Variants in CNTRL observed in about 807,000 individuals in gnomAD.
CNTRL encodes 110 kDa centrosomal protein.
In CNTRL, 233 loss-of-function variants were observed where a neutral mutation model predicts 303.7. The ratio of observed to expected loss-of-function variants is 0.77; its 90% confidence interval spans 0.69 to 0.86. CNTRL has a LOEUF of 0.86. Among genes scored for constraint, CNTRL ranks in the 40% least tolerant of loss-of-function variants. The probability of loss-of-function intolerance (pLI) is 0.00; values close to 1 mark genes in which losing one functional copy is unlikely to be tolerated. For missense variants in CNTRL, 2,524 were observed against 2,650.6 expected, an observed-to-expected ratio of 0.95 and a Z score of 1.05; for synonymous variants, 900 against 922.2, an observed-to-expected ratio of 0.98 and a Z score of 0.44.
chr9:121,094,811 G>A, intron 4 of CNTRL, 77 bp from the exon 5 acceptor site: 1 of 1,089,760 alleles, frequency 9.2e-7, no homozygotes, highest in Non-Finnish European at 1.3e-6. Context: ...AACAGACCCT[G>A]ATGCACATAA....
At chr9:121,134,558 G>A (rs1322486164) in intron 14 of CNTRL, among the ~76,000 whole-genome samples, 16 of 152,186 alleles carry the variant, frequency 1.1e-4, no homozygotes, top group Non-Finnish European at 2.1e-4. Context: ...GCCTCCCAAA[G>A]TGCTGGGATT....
intron 14 of CNTRL, among the ~76,000 whole-genome samples, chr9:121,128,948 G>C (rs1372277872): frequency 6.6e-6 from 1 of 152,170 alleles, no homozygotes; most frequent in Non-Finnish European, 1.5e-5. Context: ...GATGGTTGTA[G>C]ATGTGTGGTG....
rs985405821 is a variant in CNTRL, at chr9:121,116,544, A to T, written c.1455+1344A>T. Among the ~76,000 whole-genome samples the T allele has an allele frequency of 3.3e-5, 5 of 152,170 alleles. No homozygotes were observed. In the East Asian group the frequency reaches 9.7e-4, roughly 29 times the overall value. Reference sequence around the variant, plus strand: ...CACCATATTGACCAGGCTGGTCTTGAACTCTTAGGCTCAAGCGATCTGCCC... The same window carrying T: ...CACCATATTGACCAGGCTGGTCTTGTACTCTTAGGCTCAAGCGATCTGCCC... On this transcript the variant is annotated intron_variant, in intron 11 of 43. Coordinates refer to ENST00000373855, the MANE Select transcript of CNTRL (RefSeq NM_007018.6).
intron 12 of CNTRL, among the ~76,000 whole-genome samples, chr9:121,123,304 G>T (rs1417773538): frequency 6.6e-6 from 1 of 152,112 alleles, no homozygotes; most frequent in Non-Finnish European, 1.5e-5. Flanking sequence ...TTTAGGCTGG[G>T]CACGGTGGCT....
At chr9:121,176,663 G>C (rs1186398678) in intron 43 of CNTRL, among the ~76,000 whole-genome samples, 1 of 152,230 alleles carries the variant, frequency 6.6e-6, no homozygotes, top group Admixed American at 6.5e-5. Flanking sequence ...AACGCACAGT[G>C]GGTAGGGGCG....
rs1293176419 is a variant in CNTRL at position 121,115,089 on chromosome 9, A to C, written c.1346-2A>C. On this transcript the variant is annotated splice_acceptor_variant, in intron 10 of 43. Transcript: ENST00000373855. LOFTEE classifies it high-confidence loss of function. ...ATGTGAGCATGGTTTTTAAATTTGC[A>C]GCACAAACTCGACTATCAGAACTGC... 5.1e-6 allele frequency: 8 copies of C among 1,566,930 alleles called. No homozygotes were observed. The highest frequency in any genetic ancestry group is 6.9e-6 in the Non-Finnish European group (8 of 1,154,512).
At chr9:121,168,065 T>C (rs1456372233) in intron 37 of CNTRL, 31 bp from the exon 38 acceptor site, 5 of 1,576,812 alleles carry the variant, frequency 3.2e-6, no homozygotes, top group Admixed American at 1.7e-5. Flanking sequence ...ATTTGTTGTT[T>C]AATGACTAAT....
chr9:121,086,456 A>C (rs1038193427), intron 2 of CNTRL, among the ~76,000 whole-genome samples: 3 of 152,078 alleles, frequency 2.0e-5, no homozygotes, highest in Admixed American at 2.0e-4. Flanking sequence ...CTACAAATTA[A>C]CATGGTAAAA....
intron 9 of CNTRL, 39 bp downstream of exon 9, chr9:121,112,617 C>T (rs557258085): frequency 1.9e-6 from 3 of 1,600,704 alleles, no homozygotes; most frequent in East Asian, 4.5e-5. Context: ...AAAGTTAAAG[C>T]CCACATGGGA....
Position 121,157,785 on chromosome 9 carries a change from G to T in CNTRL, c.4542G>T (p.Lys1514Asn). ...DAKDLEQHKI[K>N]QEEILKEINK... The stretch of plus-strand genomic sequence containing the variant: ...AGGATTTGGAGCAGCACAAAATCAA[G>T]CAAGAAGAAATCTTGAAAGAAATAA... The change falls in exon 29 of 44, where the codon AAG (lysine) becomes AAT (asparagine). Residue 1514 changes from lysine to asparagine, a missense_variant. Lys to Asn is a moderately conservative substitution (Grantham distance 94). Transcript: ENST00000373855. The T allele has an allele frequency of 6.2e-7, 1 of 1,614,166 alleles. No homozygotes were observed. The highest frequency in any genetic ancestry group is 8.5e-7 in the Non-Finnish European group (1 of 1,180,030).
At chr9:121,104,103 T>C (rs2049326154) in intron 7 of CNTRL, among the ~76,000 whole-genome samples, 1 of 152,212 alleles carries the variant, frequency 6.6e-6, no homozygotes, top group Admixed American at 6.5e-5. Context: ...CTATTCACAA[T>C]AGCGAAGACT....
At chr9:121,135,635 A>G (rs2051145485) in intron 14 of CNTRL, among the ~76,000 whole-genome samples, 171 bp from the exon 15 acceptor site, 2 of 152,184 alleles carry the variant, frequency 1.3e-5, no homozygotes, top group African/African-American at 2.4e-5. Context: ...TTGTTTTCCA[A>G]CCAGGATATG....
intron 11 of CNTRL, among the ~76,000 whole-genome samples, chr9:121,116,360 T>C (rs887918430): frequency 2.0e-5 from 3 of 152,144 alleles, no homozygotes; most frequent in Non-Finnish European, 2.9e-5. Flanking sequence ...CCAGGCTTCA[T>C]AGGCATTTTT....
chr9:121,124,118 T>A, intron 13 of CNTRL, 34 bp downstream of exon 13: 1 of 1,539,982 alleles, frequency 6.5e-7, no homozygotes, highest in South Asian at 1.2e-5. Context: ...GGTAAATCAG[T>A]GTTATTGCTG....
chr9:121,117,191 CAATTT>C (rs778886188), intron 11 of CNTRL, among the ~76,000 whole-genome samples: 11 of 152,116 alleles, frequency 7.2e-5, no homozygotes, highest in Admixed American at 2.0e-4. Context: ...ATAAAAATCT[CAATTT>C]AATAAGAGTT....
rs370347205 is a variant in CNTRL at position 121,168,963 on chromosome 9, A to C, written c.6070+642A>C. Among the ~76,000 whole-genome samples the C allele has an allele frequency of 4.3e-4, 65 of 152,334 alleles. 1 individual carries two copies. Among genetic ancestry groups the C allele is most frequent in the African/African-American group, 1.5e-3 (62 of 41,572 alleles). The stretch of plus-strand genomic sequence containing the variant: ...CCAATCATTTCATTATGAAAATGAA[A>C]CTTAAAAAAATATGTCGAGTTCTGA... On this transcript the variant is annotated intron_variant, in intron 38 of 43. Transcript: ENST00000373855.
chr9:121,152,673 C>T lies in CNTRL; in HGVS notation c.4152C>T (p.Val1384=). Residue 1384 remains valine (V), a synonymous_variant, in exon 26 of 44, where the codon GTC becomes GTT. Transcript: ENST00000373855. ...AAGTAGAAGAATTACATAGAACTGT[C>T]CAGAAACGTCAACAGCAAAAGTAAT... ...ECEVEELHRT[V]QKRQQQKDFI... The T allele has an allele frequency of 6.2e-7, 1 of 1,610,414 alleles. No individual in the cohort carries two copies. The highest frequency in any genetic ancestry group is 8.5e-7 in the Non-Finnish European group (1 of 1,177,914).
chr9:121,147,375 G>A (rs942796637), intron 23 of CNTRL, among the ~76,000 whole-genome samples: 4 of 152,140 alleles, frequency 2.6e-5, no homozygotes, highest in Non-Finnish European at 5.9e-5. Flanking sequence ...AATTATGTAG[G>A]CCATGAGAAA....
intron 15 of CNTRL, among the ~76,000 whole-genome samples, chr9:121,137,345 G>A (rs2133901817): frequency 6.6e-6 from 1 of 152,254 alleles, no homozygotes; most frequent in African/African-American, 2.4e-5. Context: ...GATGCTCCTA[G>A]ATGATCTGTT....
Sources: gnomAD v4.1 joint callset for allele counts (sites outside exome capture counted in the v4.1 genomes callset) on GRCh38, gnomAD v4.1.1 for gene constraint, MANE v1.5 for transcripts, NCBI Gene and HGNC (gene_info 2026-07-23, HGNC 2026-07-21) for gene names.